The following KCNQ3 variants were observed in gnomAD, a reference collection of about 807,000 sequenced individuals.
KCNQ3 encodes potassium voltage-gated channel subfamily KQT member 3.
A neutral mutation model predicts 92.5 loss-of-function variants in KCNQ3; 30 were observed. The observed-to-expected ratio is 0.32, with a 90% CI of 0.24 to 0.44. The LOEUF (loss-of-function observed/expected upper bound fraction) is 0.44. KCNQ3 is among the 20% of genes least tolerant of loss of function. The probability of loss-of-function intolerance (pLI) is 1.00; values close to 1 mark genes in which losing one functional copy is unlikely to be tolerated. For synonymous variants in KCNQ3, 450 were observed against 468.8 expected, an observed-to-expected ratio of 0.96 and a Z score of 0.52; for missense variants, 913 against 1,140.3, an observed-to-expected ratio of 0.80 and a Z score of 2.87.
intron 1 of KCNQ3, among the ~76,000 whole-genome samples, chr8:132,432,878 T>C (rs1156837465): frequency 6.6e-6 from 1 of 152,176 alleles, no homozygotes; most frequent in Admixed American, 6.5e-5. Flanking sequence ...GAAGGAGAAT[T>C]TGGTGAACAA....
chr8:132,452,050 G>A (rs368240360), intron 1 of KCNQ3, among the ~76,000 whole-genome samples: 2 of 152,142 alleles, frequency 1.3e-5, no homozygotes, highest in African/African-American at 4.8e-5. Context: ...GCAGCCAAGG[G>A]TTGGGTTTTT....
At chr8:132,386,195 T>C (rs997370353) in intron 1 of KCNQ3, among the ~76,000 whole-genome samples, 6 of 152,110 alleles carry the variant, frequency 3.9e-5, no homozygotes, top group African/African-American at 1.4e-4. Context: ...TCCAAAGCTG[T>C]CCTTAGAGGA....
At chr8:132,480,062 C>A (rs980945015) in intron 1 of KCNQ3, 85 bp downstream of exon 1, 54 of 1,348,158 alleles carry the variant, frequency 4.0e-5, no homozygotes, top group African/African-American at 7.3e-5. Context: ...GGTCTTAAAG[C>A]CCCAGAGACT....
intron 1 of KCNQ3, among the ~76,000 whole-genome samples, chr8:132,407,974 C>T (rs1191348205): frequency 1.3e-5 from 2 of 152,064 alleles, no homozygotes; most frequent in Non-Finnish European, 2.9e-5. Flanking sequence ...GGCTGACTGG[C>T]AAAGGTAAGT....
intron 1 of KCNQ3, among the ~76,000 whole-genome samples, chr8:132,188,391 C>G (rs1036973836): frequency 3.3e-5 from 5 of 152,222 alleles, no homozygotes; most frequent in Non-Finnish European, 5.9e-5. Flanking sequence ...TTATGATTCT[C>G]TCAAGACTTT....
rs995379842 is a variant in KCNQ3 at position 132,294,084 on chromosome 8, T to C, written c.387-107903A>G. The stretch of plus-strand genomic sequence containing the variant: ...GGCGTGATCTCAGCTCACTGCAACC[T>C]CCGCCTCCCGGGTTCACGCCATTCT... On this transcript the variant is annotated intron_variant, in intron 1 of 14. Transcript: ENST00000388996. Among the ~76,000 whole-genome samples, 6 of 138,728 alleles carry C rather than the reference T, an allele frequency of 4.3e-5. No homozygotes were observed. In the South Asian group the frequency reaches 1.3e-3, roughly 30 times the overall value. The allele number at this position is 138,728 out of a possible 152,430, so 91.0% of individuals were successfully genotyped here.
rs1201110081 is a variant in KCNQ3, at chr8:132,481,052, T to TCAG, written c.-523_-521dup. 2.0e-5 allele frequency: 3 copies of TCAG among 151,320 alleles called. No homozygotes were observed. Among genetic ancestry groups the TCAG allele is most frequent in the Admixed American group, 6.6e-5 (1 of 15,090 alleles). The allele number at this position is 151,320 out of a possible 1,614,324, so 9.4% of individuals were successfully genotyped here. On this transcript the variant is annotated 5_prime_UTR_variant, in exon 1 of 15. Transcript: ENST00000388996. ...CCCCGCCCGTTCCAGCCTCAGCCTG[T>TCAG]CAGCAGCAGCAGCAGCGAGCGCGCC...
intron 1 of KCNQ3, among the ~76,000 whole-genome samples, chr8:132,420,791 T>C (rs983661776): frequency 5.3e-5 from 8 of 152,214 alleles, no homozygotes; most frequent in African/African-American, 1.7e-4. Flanking sequence ...TTCTGGAGTC[T>C]GTGAGGAGAG....
chr8:132,327,200 C>G (rs1262934902), intron 1 of KCNQ3, among the ~76,000 whole-genome samples: 2 of 152,190 alleles, frequency 1.3e-5, no homozygotes, highest in African/African-American at 4.8e-5. Context: ...TTAACACATG[C>G]AGGATCTCAT....
At chr8:132,381,876 A>T (rs1819761040) in intron 1 of KCNQ3, among the ~76,000 whole-genome samples, 1 of 152,212 alleles carries the variant, frequency 6.6e-6, no homozygotes. Flanking sequence ...TCTCAGGTCA[A>T]ACTGAGCCTC....
In KCNQ3 at chr8:132,243,275, T is replaced by G. The variant is rs565839957; in HGVS notation, c.387-57094A>C. Among the ~76,000 whole-genome samples, 97 of 152,326 alleles carry G rather than the reference T, an allele frequency of 6.4e-4. 1 individual carries two copies. The highest frequency in any genetic ancestry group is 2.0e-3 in the Admixed American group (30 of 15,310). On this transcript the variant is annotated intron_variant, in intron 1 of 14. Transcript: ENST00000388996. ...AACTAGGAAGTGGCAGAGTCAGGAT[T>G]TGGATTCCCACATGTGAGATCTGAT...
intron 3 of KCNQ3, 122 bp downstream of exon 3, chr8:132,184,119 G>T: frequency 8.1e-7 from 1 of 1,228,362 alleles, no homozygotes; most frequent in Non-Finnish European, 1.2e-6. Context: ...AGCGTCAGGG[G>T]CTGAGCTGGC....
intron 10 of KCNQ3, chr8:132,140,380 C>A: frequency 1.8e-6 from 1 of 568,782 alleles, no homozygotes; most frequent in Admixed American, 3.2e-5. Context: ...ACCCAGAAGT[C>A]CAAGTCAAAA....
At chr8:132,349,207 C>G (rs554843913) in intron 1 of KCNQ3, among the ~76,000 whole-genome samples, 1 of 152,280 alleles carries the variant, frequency 6.6e-6, no homozygotes, top group Non-Finnish European at 1.5e-5. Context: ...TACCCAAGGT[C>G]ACACAGCAAG....
chr8:132,308,568 C>T (rs559338485), intron 1 of KCNQ3, among the ~76,000 whole-genome samples: 14 of 152,214 alleles, frequency 9.2e-5, no homozygotes, highest in East Asian at 5.8e-4. Flanking sequence ...GAGGGGCACA[C>T]GTAAGGGAAA....
chr8:132,372,504 C>G (rs1434043436), intron 1 of KCNQ3, among the ~76,000 whole-genome samples: 1 of 152,034 alleles, frequency 6.6e-6, no homozygotes, highest in African/African-American at 2.4e-5. Flanking sequence ...ACCTGTAATC[C>G]CAGCACTTTG....
intron 1 of KCNQ3, among the ~76,000 whole-genome samples, chr8:132,339,627 T>G (rs1818462391): frequency 6.6e-6 from 1 of 152,172 alleles, no homozygotes; most frequent in African/African-American, 2.4e-5. Context: ...GAGTATTGCT[T>G]GAACCAAGGA....
At chr8:132,171,617 CA>C (rs1826354385) in intron 7 of KCNQ3, among the ~76,000 whole-genome samples, 1 of 152,178 alleles carries the variant, frequency 6.6e-6, no homozygotes, top group African/African-American at 2.4e-5. Flanking sequence ...CTGGGCAGCA[CA>C]AATGGGAAAA....
At position 132,168,128 on chromosome 8, in the gene KCNQ3, G is replaced by A. The variant is rs76211677; in HGVS notation, c.1235+2206C>T. Among the ~76,000 whole-genome samples, 1,170 of 152,174 alleles carry A rather than the reference G, an allele frequency of 7.7e-3. 21 individuals are homozygous for A. Among genetic ancestry groups the A allele is most frequent in the African/African-American group, 0.027 (1,109 of 41,516 alleles). ...CCTCTAACTCTCCCACCAGTCATGG[G>A]TCCCTTTTGCCTGTTCTCTTTCAGG... On this transcript the variant is annotated intron_variant, in intron 8 of 14. Transcript: ENST00000388996.
Sources: gnomAD v4.1 joint callset for allele counts (sites outside exome capture counted in the v4.1 genomes callset) on GRCh38, gnomAD v4.1.1 for gene constraint, MANE v1.5 for transcripts, NCBI Gene and HGNC (gene_info 2026-07-23, HGNC 2026-07-21) for gene names.